Variants in MDN1 observed in about 807,000 individuals in gnomAD.
MDN1 encodes the protein midasin.
MDN1 carries 266 observed loss-of-function variants against 669.2 expected under a neutral mutation model. The observed-to-expected ratio is 0.40, with a 90% CI of 0.36 to 0.44. MDN1 has a LOEUF of 0.44. Ranked by LOEUF, MDN1 falls within the 20% of genes least tolerant of loss-of-function variation. The pLI is 1.00. For missense variants in MDN1, 5,940 were observed against 6,754.0 expected (o/e 0.88, Z 4.22); for synonymous variants, 2,385 against 2,457.1 (o/e 0.97, Z 0.87).
chr6:89,819,612 C>A lies in MDN1; in HGVS notation c.-5G>T, dbSNP rs1212645005. ...CTCCAGCAAGAAGTGCTCCATGACC[C>A]AGGGCCCTCACCCCGAGCGGCCACC... is the stretch of plus-strand genomic sequence containing the variant. On this transcript the variant is annotated 5_prime_UTR_variant, in exon 1 of 102. Transcript: ENST00000369393. 1 of 1,600,268 alleles carries A rather than the reference C, an allele frequency of 6.2e-7. No homozygotes were observed. Among genetic ancestry groups the A allele is most frequent in the Non-Finnish European group, 8.5e-7 (1 of 1,179,618 alleles).
chr6:89,778,728 C>T (rs568303611), intron 11 of MDN1, among the ~76,000 whole-genome samples: 1 of 150,232 alleles, frequency 6.7e-6, no homozygotes, highest in African/African-American at 2.4e-5. Context: ...ACTAAAAATG[C>T]AAAAAAAATT....
intron 1 of MDN1, among the ~76,000 whole-genome samples, chr6:89,804,868 A>G (rs911971944): frequency 3.3e-5 from 5 of 151,946 alleles, no homozygotes; most frequent in Non-Finnish European, 7.4e-5. Flanking sequence ...CCCTGTCTCT[A>G]CTAAAAATAC....
intron 22 of MDN1, among the ~76,000 whole-genome samples, chr6:89,752,161 AAGTACTCT>A (rs770400512): frequency 1.9e-4 from 29 of 152,284 alleles, no homozygotes; most frequent in Non-Finnish European, 3.7e-4. Flanking sequence ...AACTATGGAA[AAGTACTCT>A]TCTAGAGCAT....
Position 89,656,705 on chromosome 6 carries a change from T to C in MDN1, c.15280A>G (p.Thr5094Ala). Residue 5094 changes from threonine to alanine, a missense_variant, in exon 91 of 102, where the codon ACA (threonine) becomes GCA (alanine). By Grantham distance (58) the Thr-to-Ala change is moderately conservative. This residue lies in a region of MDN1 where 2,280 missense variants were observed against 2,576.3 expected (regional missense o/e 0.88). Transcript: ENST00000369393. ...LASQKHTRKN[T>A]QSFKRKPGQA... The stretch of plus-strand genomic sequence containing the variant: ...AGCTGAGGAGTGATAGAAACCTGTG[T>C]GTTTTTCCTGGTGTGCTTCTGGGAG... The C allele has an allele frequency of 6.2e-7, 1 of 1,609,398 alleles. No homozygotes were observed. The highest frequency in any genetic ancestry group is 8.5e-7 in the Non-Finnish European group (1 of 1,177,402).
At chr6:89,809,843 G>T (rs1768271591) in intron 1 of MDN1, among the ~76,000 whole-genome samples, 1 of 81,342 alleles carries the variant, frequency 1.2e-5, no homozygotes. Flanking sequence ...TAAAAAATTA[G>T]CCAGGCTTGG....
At chr6:89,690,585 T>G (rs184130997) in intron 64 of MDN1, 88 bp downstream of exon 64, 71 of 1,490,712 alleles carry the variant, frequency 4.8e-5, no homozygotes, top group Non-Finnish European at 6.1e-5. Flanking sequence ...GAGAGAGAGA[T>G]AAAGAGGAAG....
At chr6:89,747,266 T>A in intron 27 of MDN1, 63 bp downstream of exon 27, 1 of 1,567,168 alleles carries the variant, frequency 6.4e-7, no homozygotes, top group Non-Finnish European at 8.6e-7. Flanking sequence ...GCAAGATTTG[T>A]TTTAATAAAA....
chr6:89,700,460 CAT>C (rs903019484), intron 56 of MDN1, among the ~76,000 whole-genome samples, 166 bp from the exon 57 acceptor site: 7 of 152,150 alleles, frequency 4.6e-5, no homozygotes, highest in African/African-American at 1.2e-4. Context: ...TTAATACCCA[CAT>C]GATTCTGATG....
rs1275556362 is a variant in MDN1 at position 89,758,252 on chromosome 6, C to T, written c.2702+3G>A. ...GGAAAGTCTCCAAGAACCAAACCCTCACCTGTTTCTTATTCCTGGTGGGAG... is the reference window on the plus strand; with the variant it reads ...GGAAAGTCTCCAAGAACCAAACCCTTACCTGTTTCTTATTCCTGGTGGGAG... On this transcript the variant is annotated splice_donor_region_variant and intron_variant, in intron 19 of 101. Coordinates refer to ENST00000369393, the MANE Select transcript of MDN1 (RefSeq NM_014611.3). The T allele has an allele frequency of 2.5e-6, 4 of 1,603,366 alleles. No homozygotes were observed. Among genetic ancestry groups the T allele is most frequent in the Non-Finnish European group, 1.7e-6 (2 of 1,172,996 alleles).
At chr6:89,663,941 TAA>T (rs10716065) in intron 85 of MDN1, among the ~76,000 whole-genome samples, 237 of 140,830 alleles carry the variant, frequency 1.7e-3, no homozygotes, top group African/African-American at 2.2e-3. Context: ...GACTCCGTCT[TAA>T]AAAAAAAAAA....
At chr6:89,667,240 G>C (rs1011712084) in intron 84 of MDN1, among the ~76,000 whole-genome samples, 1 of 150,458 alleles carries the variant, frequency 6.6e-6, no homozygotes, top group African/African-American at 2.4e-5. Context: ...AAATACAGAA[G>C]GCCAAAATAA....
chr6:89,726,900 T>G (rs1203189747), intron 37 of MDN1, among the ~76,000 whole-genome samples: 1 of 152,198 alleles, frequency 6.6e-6, no homozygotes. Flanking sequence ...CTTCTGTATA[T>G]TCCCAAACAG....
intron 2 of MDN1, among the ~76,000 whole-genome samples, chr6:89,801,795 GAA>G (rs541668209): frequency 1.5e-5 from 2 of 129,358 alleles, no homozygotes; most frequent in Admixed American, 7.9e-5. Flanking sequence ...CCCTGTCTCA[GAA>G]AAAAAAAAAA....
At position 89,684,950 on chromosome 6, in the gene MDN1, A is replaced by G. The variant is rs761972540; in HGVS notation, c.11755T>C (p.Tyr3919His). Reference protein sequence around the residue: ...LCSVLWNLYHYYKQFFDRVQA... With the variant: ...LCSVLWNLYHHYKQFFDRVQA... ...ACCCGGTCAAAGAATTGCTTGTAAT[A>G]ATGGTACAAATTCCATAGAACACTG... The change falls in exon 71 of 102, where the codon TAT becomes CAT. Residue 3919 changes from tyrosine (Y) to histidine (H), a missense_variant. This residue lies in a region of MDN1 where 2,280 missense variants were observed against 2,576.3 expected (regional missense o/e 0.88). Transcript: ENST00000369393. 6.2e-7 allele frequency: 1 copy of G among 1,613,668 alleles called. No individual in the cohort carries two copies. The highest frequency in any genetic ancestry group is 1.3e-5 in the African/African-American group (1 of 75,044).
intron 9 of MDN1, among the ~76,000 whole-genome samples, chr6:89,784,748 T>A (rs943462532): frequency 6.7e-6 from 1 of 149,774 alleles, no homozygotes. Context: ...ACTGAGGAAT[T>A]ACTGTTCATT....
In MDN1 at chr6:89,683,253, T is replaced by C; in HGVS notation, c.11981A>G (p.Lys3994Arg). Residue 3994 changes from lysine to arginine, a missense_variant, in exon 73 of 102, where the codon AAG becomes AGG. Coordinates refer to ENST00000369393, the MANE Select transcript of MDN1 (RefSeq NM_014611.3). ...GGGCAAAAAGTCAGGCTGTTCTTCCTTGTCACTCTCCACCAGGGATGACCG... is the reference window on the plus strand; with the variant it reads ...GGGCAAAAAGTCAGGCTGTTCTTCCCTGTCACTCTCCACCAGGGATGACCG... ...PCRSSLVESD[K>R]EEQPDFLPRP... The C allele has an allele frequency of 6.2e-7, 1 of 1,614,174 alleles. No homozygotes were observed. The highest frequency in any genetic ancestry group is 1.3e-5 in the African/African-American group (1 of 75,040).
rs770945559 is a variant in MDN1, at chr6:89,718,400, T to C, written c.6549A>G (p.Arg2183=). The C allele has an allele frequency of 6.2e-7, 1 of 1,614,056 alleles. No homozygotes were observed. The highest frequency in any genetic ancestry group is 8.5e-7 in the Non-Finnish European group (1 of 1,180,030). ...AGTATGAGTTGATTTTATTGTTGAG[T>C]CGCTGCATAAGCAATAACACTGCTT... is the stretch of plus-strand genomic sequence containing the variant. The part of the protein sequence containing the change: ...KLEAVLLLMQ[R]LNNKINSYCK... The change falls in exon 43 of 102, where the codon CGA becomes CGG. Residue 2183 remains arginine (R), a synonymous_variant. Coordinates refer to ENST00000369393, the MANE Select transcript of MDN1 (RefSeq NM_014611.3).
At chr6:89,723,481 A>G in intron 39 of MDN1, 31 bp downstream of exon 39, 1 of 1,335,776 alleles carries the variant, frequency 7.5e-7, no homozygotes, top group Non-Finnish European at 1.0e-6. Flanking sequence ...CAGCCAGAAA[A>G]AAAAAGAAAC....
chr6:89,690,650 A>C, intron 64 of MDN1, 23 bp downstream of exon 64: 1 of 1,613,176 alleles, frequency 6.2e-7, no homozygotes, highest in Non-Finnish European at 8.5e-7. Flanking sequence ...ATTCCAAAAC[A>C]CACCCTGCCA....
Sources: gnomAD v4.1 joint callset for allele counts (sites outside exome capture counted in the v4.1 genomes callset) on GRCh38, gnomAD v4.1.1 for gene constraint, gnomAD v4.1.1 regional missense constraint, MANE v1.5 for transcripts, NCBI Gene and HGNC (gene_info 2026-07-23, HGNC 2026-07-21) for gene names.